The following RPUSD1 variants were observed in gnomAD, a reference collection of about 807,000 sequenced individuals.
RPUSD1 encodes the protein RNA pseudouridine synthase domain containing 1, also known as pseudouridylate synthase RPUSD1.
RPUSD1 carries 28 observed loss-of-function variants against 22.4 expected under a neutral mutation model. The observed-to-expected ratio is 1.25, with a 90% CI of 0.93 to 1.72. The LOEUF is 1.72. Ranked by LOEUF, RPUSD1 falls within the 40% of genes most tolerant of loss-of-function variation. RPUSD1 has a pLI of 0.00. For synonymous variants in RPUSD1, 298 were observed against 201.0 expected (o/e 1.48, Z -4.08); for missense variants, 596 against 442.2 (o/e 1.35, Z -3.12).
intron 1 of RPUSD1, chr16:787,960 A>G: frequency 1.7e-6 from 1 of 598,012 alleles, no homozygotes; most frequent in South Asian, 2.0e-5. Context: ...GCTGACCTGA[A>G]GGGCCCTGCC....
rs2041907644 is a variant in RPUSD1 at position 786,295 on chromosome 16, G to A, written c.594C>T (p.Gly198=). 6.2e-7 allele frequency: 1 copy of A among 1,612,628 alleles called. No homozygotes were observed. The highest frequency in any genetic ancestry group is 8.5e-7 in the Non-Finnish European group (1 of 1,179,938). Residue 198 remains glycine (G), a synonymous_variant, in exon 6 of 6, where the codon GGC becomes GGT. Coordinates refer to ENST00000007264, the MANE Select transcript of RPUSD1 (RefSeq NM_058192.3). ...TCATTCTGAACGGCCGGTCCTCCCG[G>A]CCCGAGACTTCTCCGTAGGTCAGGT... ...VGDLTYGEVS[G]REDRPFRMML...
Position 786,345 on chromosome 16 carries a change from C to T in RPUSD1, c.544G>A (p.Ala182Thr), listed in dbSNP as rs1203767124. 3.7e-6 allele frequency: 6 copies of T among 1,611,332 alleles called. No homozygotes were observed. The Admixed American group carries it at 5.0e-5, about 13-fold the overall frequency. The change falls in exon 6 of 6, where the codon GCC becomes ACC. Residue 182 changes from alanine (A) to threonine (T), a missense_variant. Transcript: ENST00000007264. ...TCGCCCACCACGGGGTGGCCCAGGG[C>T]ACTGCAGTGCACGCGCAGCTGGTGT... ...RTHQLRVHCS[A>T]LGHPVVGDLT...
chr16:787,622 G>C lies in RPUSD1; in HGVS notation c.116C>G (p.Thr39Ser), dbSNP rs764397688. 1.2e-6 allele frequency: 2 copies of C among 1,611,902 alleles called. No individual in the cohort carries two copies. The highest frequency in any genetic ancestry group is 1.7e-6 in the Non-Finnish European group (2 of 1,179,970). The change falls in exon 2 of 6, where the codon ACC becomes AGC. Residue 39 changes from threonine (T) to serine (S), a missense_variant. Coordinates refer to ENST00000007264, the MANE Select transcript of RPUSD1 (RefSeq NM_058192.3). ...GCGGTACCGCAGCTGCTTCTGCAGG[G>C]TCAGAGTCTCCCGCCACGCCTTGCT... ...IDSKAWRETL[T>S]LQKQLRYRFP...
chr16:786,343 G>A lies in RPUSD1; in HGVS notation c.546C>T (p.Ala182=), dbSNP rs374111576. 1.9e-6 allele frequency: 3 copies of A among 1,611,690 alleles called. No homozygotes were observed. The highest frequency in any genetic ancestry group is 1.3e-5 in the African/African-American group (1 of 74,900). ...RTHQLRVHCS[A]LGHPVVGDLT... Reference sequence around the variant, plus strand: ...GGTCGCCCACCACGGGGTGGCCCAGGGCACTGCAGTGCACGCGCAGCTGGT... The same window carrying A: ...GGTCGCCCACCACGGGGTGGCCCAGAGCACTGCAGTGCACGCGCAGCTGGT... The change falls in exon 6 of 6, where the codon GCC becomes GCT. Residue 182 remains alanine, a synonymous_variant. Coordinates refer to ENST00000007264, the MANE Select transcript of RPUSD1 (RefSeq NM_058192.3).
In RPUSD1 at chr16:786,690, G is replaced by A. The variant is rs555656691; in HGVS notation, c.511+137C>T. On this transcript the variant is annotated intron_variant, in intron 5 of 5. Transcript: ENST00000007264. ...TCAGGTGAGAAGCTGAGAGGCTGCAGGGCGTGGAGTTAAGAACGCAGGAGT... is the reference window on the plus strand; with the variant it reads ...TCAGGTGAGAAGCTGAGAGGCTGCAAGGCGTGGAGTTAAGAACGCAGGAGT... 278 of 804,332 alleles carry A rather than the reference G, an allele frequency of 3.5e-4. 1 individual carries two copies. In the South Asian group the frequency reaches 3.5e-3, roughly 10 times the overall value. 49.8% of individuals were successfully genotyped at this position (804,332 alleles called of 1,614,324 possible).
Position 785,254 on chromosome 16 carries a change from CT to C in RPUSD1, c.*695del, listed in dbSNP as rs1340574236. ...CGTGGCAGGGCCTTGGCCATGGCCC[CT>C]GACCAACCCCTGTGCACCAAACACC... On this transcript the variant is annotated 3_prime_UTR_variant, in exon 6 of 6. Coordinates refer to ENST00000007264, the MANE Select transcript of RPUSD1 (RefSeq NM_058192.3). 1 of 152,386 alleles carries C rather than the reference CT, an allele frequency of 6.6e-6. No individual in the cohort carries two copies. Among genetic ancestry groups the C allele is most frequent in the African/African-American group, 2.4e-5 (1 of 41,432 alleles). 9.4% of individuals were successfully genotyped at this position (152,386 alleles called of 1,614,324 possible).
rs756650999 is a variant in RPUSD1, at chr16:786,882, T to C, written c.456A>G (p.Glu152=). Residue 152 remains glutamate, a synonymous_variant, in exon 5 of 6, where the codon GAA becomes GAG. Coordinates refer to ENST00000007264, the MANE Select transcript of RPUSD1 (RefSeq NM_058192.3). The stretch of plus-strand genomic sequence containing the variant: ...CAGGATCGCCTGCGTACAGCCCGTG[T>C]TCCAGAACCACGAGATCTGTGAGGC... ...KPSLTDLVVL[E]HGLYAGDPVS... is the part of the protein sequence containing the mutation. 5 of 1,613,354 alleles carry C rather than the reference T, an allele frequency of 3.1e-6. No individual in the cohort carries two copies. In the South Asian group the frequency reaches 4.4e-5, roughly 14 times the overall value.
intron 5 of RPUSD1, 147 bp from the exon 6 acceptor site, chr16:786,524 G>T: frequency 2.5e-6 from 2 of 804,878 alleles, no homozygotes; most frequent in East Asian, 5.3e-5. Flanking sequence ...CCTGCCATGA[G>T]TGAGGATGAC....
At position 786,294 on chromosome 16, in the gene RPUSD1, G is replaced by C; in HGVS notation, c.595C>G (p.Arg199Gly). 1 of 1,612,738 alleles carries C rather than the reference G, an allele frequency of 6.2e-7. No individual in the cohort carries two copies. The highest frequency in any genetic ancestry group is 8.5e-7 in the Non-Finnish European group (1 of 1,179,928). The change falls in exon 6 of 6, where the codon CGG becomes GGG. Residue 199 changes from arginine to glycine, a missense_variant. Physicochemically the swap from Arg to Gly is moderately radical, Grantham distance 125. Transcript: ENST00000007264. ...GDLTYGEVSGREDRPFRMMLH... is the reference protein window; with the variant it reads ...GDLTYGEVSGGEDRPFRMMLH... The stretch of plus-strand genomic sequence containing the variant: ...ATCATTCTGAACGGCCGGTCCTCCC[G>C]GCCCGAGACTTCTCCGTAGGTCAGG...
chr16:787,530 C>T (rs776216055), intron 2 of RPUSD1, 26 bp downstream of exon 2: 16 of 1,604,054 alleles, frequency 1.0e-5, no homozygotes, highest in Admixed American at 1.7e-5. Flanking sequence ...CAGACGCCAC[C>T]GTGGGGCTCC....
chr16:787,388 T>G lies in RPUSD1; in HGVS notation c.272A>C (p.Lys91Thr). The change falls in exon 3 of 6, where the codon AAG becomes ACG. Residue 91 changes from lysine to threonine, a missense_variant. Coordinates refer to ENST00000007264, the MANE Select transcript of RPUSD1 (RefSeq NM_058192.3). ...GTAAGCCTTGGTCACGCGCCGCTCCTTGAAGCACCTGTACGCGCTGCCGGC... is the reference window on the plus strand; with the variant it reads ...GTAAGCCTTGGTCACGCGCCGCTCCGTGAAGCACCTGTACGCGCTGCCGGC... ...AAAGSAYRCF[K>T]ERRVTKAYLA... The G allele has an allele frequency of 6.3e-7, 1 of 1,591,222 alleles. No homozygotes were observed. The highest frequency in any genetic ancestry group is 8.6e-7 in the Non-Finnish European group (1 of 1,169,178).
intron 5 of RPUSD1, 187 bp from the exon 6 acceptor site, chr16:786,564 T>C (rs1438119274): frequency 2.6e-6 from 2 of 758,480 alleles, no homozygotes; most frequent in East Asian, 5.4e-5. Flanking sequence ...TGTGTTCAGG[T>C]CACCACTGGT....
chr16:786,869 C>T lies in RPUSD1; in HGVS notation c.469G>A (p.Ala157Thr), dbSNP rs752397101. 67 of 1,613,192 alleles carry T rather than the reference C, an allele frequency of 4.2e-5. No homozygotes were observed. Among genetic ancestry groups the T allele is most frequent in the South Asian group, 9.9e-5 (9 of 91,084 alleles). Residue 157 changes from alanine (A) to threonine (T), a missense_variant, in exon 5 of 6, where the codon GCA becomes ACA. Physicochemically the swap from Ala to Thr is moderately conservative, Grantham distance 58. Transcript: ENST00000007264. ...DLVVLEHGLY[A>T]GDPVSKVLLK... Reference sequence around the variant, plus strand: ...AGCACTTTGGAGACAGGATCGCCTGCGTACAGCCCGTGTTCCAGAACCACG... The same window carrying T: ...AGCACTTTGGAGACAGGATCGCCTGTGTACAGCCCGTGTTCCAGAACCACG...
intron 1 of RPUSD1, 140 bp downstream of exon 1, chr16:788,116 G>A (rs1278310578): frequency 4.3e-6 from 2 of 468,876 alleles, no homozygotes; most frequent in Admixed American, 2.5e-5. Flanking sequence ...CCGGCAGCCA[G>A]GTCTGCCCGC....
rs989399186 is a variant in RPUSD1, at chr16:787,797, C to G, written c.-7-53G>C. On this transcript the variant is annotated intron_variant, in intron 1 of 5. Transcript: ENST00000007264. ...CTGTGAGCACGTGGTGCGCCCCCAG[C>G]CCAGCATACAGAGGTACCCGCACCG... The G allele has an allele frequency of 3.2e-6, 5 of 1,570,182 alleles. No individual in the cohort carries two copies. The African/African-American group carries it at 6.7e-5, about 21-fold the overall frequency.
intron 1 of RPUSD1, 118 bp from the exon 2 acceptor site, chr16:787,862 C>T (rs989946344): frequency 1.0e-6 from 1 of 991,026 alleles, no homozygotes. Context: ...GAGCCGGGTC[C>T]GCAGCCCTAC....
Position 787,687 on chromosome 16 carries a change from G to A in RPUSD1, c.51C>T (p.Asp17=), listed in dbSNP as rs2041999273. ...ENLSIVYRSR[D]FLVVNKHWDV... ...CCCAGTGCTTGTTGACCACCAGGAAGTCGCGGCTCCGGTACACGATGGACA... is the reference window on the plus strand; with the variant it reads ...CCCAGTGCTTGTTGACCACCAGGAAATCGCGGCTCCGGTACACGATGGACA... Residue 17 remains aspartate (D), a synonymous_variant, in exon 2 of 6, where the codon GAC becomes GAT. Transcript: ENST00000007264. The A allele has an allele frequency of 2.5e-6, 4 of 1,612,232 alleles. No homozygotes were observed. The Admixed American group carries it at 5.0e-5, about 20-fold the overall frequency.
At position 785,733 on chromosome 16, in the gene RPUSD1, C is replaced by T. The variant is rs1167781582; in HGVS notation, c.*217G>A. Reference sequence around the variant, plus strand: ...GGCCCTCGGGATCCCGCATCAGTCCCACGGCCGCGGTGCGGTCGTCACCTG... The same window carrying T: ...GGCCCTCGGGATCCCGCATCAGTCCTACGGCCGCGGTGCGGTCGTCACCTG... On this transcript the variant is annotated 3_prime_UTR_variant, in exon 6 of 6. Coordinates refer to ENST00000007264, the MANE Select transcript of RPUSD1 (RefSeq NM_058192.3). 6 of 425,476 alleles carry T rather than the reference C, an allele frequency of 1.4e-5. No homozygotes were observed. In the South Asian group the frequency reaches 4.8e-4, roughly 34 times the overall value. The allele number at this position is 425,476 out of a possible 1,614,324, so 26.4% of individuals were successfully genotyped here. A position where few individuals can be genotyped will look rare whatever the true frequency, so the allele number is the denominator to read the frequency against.
rs1567373923 is a variant in RPUSD1 at position 785,786 on chromosome 16, CG to C, written c.*163del. 5.4e-6 allele frequency: 3 copies of C among 551,052 alleles called. No homozygotes were observed. The East Asian group carries it at 1.0e-4, about 19-fold the overall frequency. The allele number at this position is 551,052 out of a possible 1,614,324, so 34.1% of individuals were successfully genotyped here. Reference sequence around the variant, plus strand: ...ATCACGGCTGCCTGGCGCCCCCTGCCGGCCCCACCTCAGCCCTTCCTCGCAG... The same window carrying C: ...ATCACGGCTGCCTGGCGCCCCCTGCCGCCCCACCTCAGCCCTTCCTCGCAG... On this transcript the variant is annotated 3_prime_UTR_variant, in exon 6 of 6. Coordinates refer to ENST00000007264, the MANE Select transcript of RPUSD1 (RefSeq NM_058192.3).
Sources: gnomAD v4.1 joint callset for allele counts on GRCh38, gnomAD v4.1.1 for gene constraint, MANE v1.5 for transcripts, NCBI Gene and HGNC (gene_info 2026-07-23, HGNC 2026-07-21) for gene names.